The following PCDHGA10 variants were observed in gnomAD, a reference collection of about 807,000 sequenced individuals.
PCDHGA10 encodes protocadherin gamma-A10.
In PCDHGA10, 42 loss-of-function variants were observed where a neutral mutation model predicts 59.5. That is an observed-to-expected ratio of 0.71 (90% CI 0.55 to 0.91). The LOEUF (loss-of-function observed/expected upper bound fraction) is 0.91, where lower values mean the gene tolerates loss of function less well. PCDHGA10 is among the 40% of genes least tolerant of loss of function. The pLI is 0.00. For synonymous variants in PCDHGA10, 511 were observed against 517.2 expected, an observed-to-expected ratio of 0.99 and a Z score of 0.16; for missense variants, 1,111 against 1,198.2, an observed-to-expected ratio of 0.93 and a Z score of 1.07.
rs547854431 is a variant in PCDHGA10, at chr5:141,476,383, C to A, written c.2437-18424C>A. 1.2e-6 allele frequency: 2 copies of A among 1,614,102 alleles called. No homozygotes were observed. Among genetic ancestry groups the A allele is most frequent in the African/African-American group, 1.3e-5 (1 of 75,014 alleles). On this transcript the variant is annotated intron_variant, in intron 1 of 3. Transcript: ENST00000398610. The surrounding 1 kb of genome is among the most constrained non-coding windows in gnomAD (Gnocchi z 7.6). ...GGGAGACCGGAGAGATGTTTGTGAA[C>A]GACCGTCTGGATCGAGAGGAGCTGT...
rs1455759096 is a variant in PCDHGA10, at chr5:141,489,539, C to T, written c.2437-5268C>T. 6.2e-7 allele frequency: 1 copy of T among 1,613,980 alleles called. No individual in the cohort carries two copies. Among genetic ancestry groups the T allele is most frequent in the African/African-American group, 1.3e-5 (1 of 74,912 alleles). On this transcript the variant is annotated intron_variant, in intron 1 of 3. Coordinates refer to ENST00000398610, the MANE Select transcript of PCDHGA10 (RefSeq NM_018913.3). This position sits in a 1 kb window ranked among gnomAD's most constrained non-coding sequence, Gnocchi z 4.5. Reference sequence around the variant, plus strand: ...CGAGAAAGCCTATGTGGAGCCAGCACCAGCTGCCTGCTGCCAGTGCAGGTG... The same window carrying T: ...CGAGAAAGCCTATGTGGAGCCAGCATCAGCTGCCTGCTGCCAGTGCAGGTG...
intron 1 of PCDHGA10, among the ~76,000 whole-genome samples, chr5:141,480,911 G>A (rs2154578422): frequency 6.6e-6 from 1 of 152,218 alleles, no homozygotes; most frequent in East Asian, 1.9e-4. Flanking sequence ...TGGGCATGGT[G>A]GCGCATACCT....
intron 1 of PCDHGA10, among the ~76,000 whole-genome samples, chr5:141,462,269 T>C (rs2099036247): frequency 6.6e-6 from 1 of 152,230 alleles, no homozygotes; most frequent in Admixed American, 6.5e-5. Context: ...CTAAAGTGTA[T>C]TGTTTAGTCA....
Position 141,431,858 on chromosome 5 carries a change from G to A in PCDHGA10, c.2436+16247G>A, listed in dbSNP as rs1421209596. The A allele has an allele frequency of 1.1e-5, 17 of 1,614,198 alleles. No individual in the cohort carries two copies. Among genetic ancestry groups the A allele is most frequent in the Non-Finnish European group, 1.4e-5 (17 of 1,180,020 alleles). On this transcript the variant is annotated intron_variant, in intron 1 of 3. Coordinates refer to ENST00000398610, the MANE Select transcript of PCDHGA10 (RefSeq NM_018913.3). The surrounding 1 kb of genome is among the most constrained non-coding windows in gnomAD (Gnocchi z 4.8). ...AAACTCTCCCAGAGGGACATTAATTGCCCTTTTAAATGTAAATGACCAAGA... is the reference window on the plus strand; with the variant it reads ...AAACTCTCCCAGAGGGACATTAATTACCCTTTTAAATGTAAATGACCAAGA...
intron 1 of PCDHGA10, chr5:141,479,743 T>C (rs2154578017): frequency 6.6e-6 from 1 of 152,356 alleles, no homozygotes; most frequent in African/African-American, 2.4e-5. Flanking sequence ...ATATGCACAA[T>C]GTGAAAGGTA....
Position 141,487,548 on chromosome 5 carries a change from G to T in PCDHGA10, c.2437-7259G>T. The T allele has an allele frequency of 6.2e-7, 1 of 1,614,190 alleles. No homozygotes were observed. Among genetic ancestry groups the T allele is most frequent in the Non-Finnish European group, 8.5e-7 (1 of 1,180,038 alleles). ...AGCTTCATGATGGTGAAGTCACCCA[G>T]TGCACCTATGGCAGGGGAGCCTGTT... is the stretch of plus-strand genomic sequence containing the variant. On this transcript the variant is annotated intron_variant, in intron 1 of 3. Coordinates refer to ENST00000398610, the MANE Select transcript of PCDHGA10 (RefSeq NM_018913.3). The surrounding 1 kb of genome is among the most constrained non-coding windows in gnomAD (Gnocchi z 5.0).
chr5:141,467,063 T>C (rs1405374001), intron 1 of PCDHGA10, among the ~76,000 whole-genome samples: 2 of 151,716 alleles, frequency 1.3e-5, no homozygotes, highest in African/African-American at 2.4e-5. Flanking sequence ...TTCTTTTTTT[T>C]TTTTTTTTAG....
At chr5:141,475,895 C>A (rs2099379056) in intron 1 of PCDHGA10, 1 of 568,558 alleles carries the variant, frequency 1.8e-6, no homozygotes, top group African/African-American at 1.9e-5. Context: ...ACTCTGTGTG[C>A]CGCTGTCGGC....
In PCDHGA10 at chr5:141,476,656, T is replaced by A. The variant is rs190269177; in HGVS notation, c.2437-18151T>A. 6.2e-7 allele frequency: 1 copy of A among 1,614,210 alleles called. No individual in the cohort carries two copies. The highest frequency in any genetic ancestry group is 1.3e-5 in the African/African-American group (1 of 75,064). ...ATGAGCTGAGCCGAAATGAATACTTTGCGCTTCGCGTGCAGACGCGGGAGG... is the reference window on the plus strand; with the variant it reads ...ATGAGCTGAGCCGAAATGAATACTTAGCGCTTCGCGTGCAGACGCGGGAGG... On this transcript the variant is annotated intron_variant, in intron 1 of 3. Coordinates refer to ENST00000398610, the MANE Select transcript of PCDHGA10 (RefSeq NM_018913.3). This position sits in a 1 kb window ranked among gnomAD's most constrained non-coding sequence, Gnocchi z 7.6.
intron 1 of PCDHGA10, among the ~76,000 whole-genome samples, chr5:141,451,571 A>G (rs2098719323): frequency 6.6e-6 from 1 of 152,188 alleles, no homozygotes; most frequent in Non-Finnish European, 1.5e-5. Context: ...CAATCTTTTT[A>G]TAAACCTAAT....
chr5:141,476,554 G>A lies in PCDHGA10; in HGVS notation c.2437-18253G>A. On this transcript the variant is annotated intron_variant, in intron 1 of 3. Transcript: ENST00000398610. This position sits in a 1 kb window ranked among gnomAD's most constrained non-coding sequence, Gnocchi z 7.6. The stretch of plus-strand genomic sequence containing the variant: ...AGGAAATGAAATTGGAGATTAGCGA[G>A]GCCGTGGCTCCGGGGACGCGCTTTC... 1 of 1,614,232 alleles carries A rather than the reference G, an allele frequency of 6.2e-7. No individual in the cohort carries two copies. Among genetic ancestry groups the A allele is most frequent in the Non-Finnish European group, 8.5e-7 (1 of 1,180,036 alleles).
chr5:141,448,515 T>C (rs1158968509), intron 1 of PCDHGA10, among the ~76,000 whole-genome samples: 1 of 152,212 alleles, frequency 6.6e-6, no homozygotes, highest in Non-Finnish European at 1.5e-5. Flanking sequence ...TTTATAACTT[T>C]ATTAAGCATC....
At chr5:141,416,998 CAAAT>C (rs2096073182) in intron 1 of PCDHGA10, 1 of 150,816 alleles carries the variant, frequency 6.6e-6, no homozygotes, top group South Asian at 2.1e-4. Flanking sequence ...GCATTCATCT[CAAAT>C]AATTCTATTA....
intron 1 of PCDHGA10, among the ~76,000 whole-genome samples, chr5:141,445,553 A>T (rs948468877): frequency 1.3e-5 from 2 of 152,252 alleles, no homozygotes; most frequent in Non-Finnish European, 1.5e-5. Context: ...ATACAAAAGC[A>T]CTAAGAGAAA....
chr5:141,476,446 G>A lies in PCDHGA10; in HGVS notation c.2437-18361G>A. On this transcript the variant is annotated intron_variant, in intron 1 of 3. Transcript: ENST00000398610. This position sits in a 1 kb window ranked among gnomAD's most constrained non-coding sequence, Gnocchi z 7.6. Reference sequence around the variant, plus strand: ...CCTCTTGCACTGTAACTCTGGAGTTGGTAGTGGAGAACCCGCTGGAGCTGT... The same window carrying A: ...CCTCTTGCACTGTAACTCTGGAGTTAGTAGTGGAGAACCCGCTGGAGCTGT... 6.2e-7 allele frequency: 1 copy of A among 1,614,144 alleles called. No homozygotes were observed. Among genetic ancestry groups the A allele is most frequent in the South Asian group, 1.1e-5 (1 of 91,072 alleles).
intron 1 of PCDHGA10, among the ~76,000 whole-genome samples, chr5:141,438,702 C>A (rs1217378337): frequency 5.7e-5 from 8 of 140,876 alleles, no homozygotes; most frequent in Non-Finnish European, 4.6e-5. Flanking sequence ...GCTCTGTCAC[C>A]CAGGCTGGAG....
rs115565444 is a variant in PCDHGA10 at position 141,487,520 on chromosome 5, G to C, written c.2437-7287G>C. 1 of 1,614,166 alleles carries C rather than the reference G, an allele frequency of 6.2e-7. No individual in the cohort carries two copies. Among genetic ancestry groups the C allele is most frequent in the Non-Finnish European group, 8.5e-7 (1 of 1,180,042 alleles). ...CTTGGCTTCTGCACCCACTCGGAGT[G>C]ATAGCTTCATGATGGTGAAGTCACC... On this transcript the variant is annotated intron_variant, in intron 1 of 3. Coordinates refer to ENST00000398610, the MANE Select transcript of PCDHGA10 (RefSeq NM_018913.3). The surrounding 1 kb of genome is among the most constrained non-coding windows in gnomAD (Gnocchi z 5.0).
At chr5:141,502,488 T>A (rs1273845698) in intron 2 of PCDHGA10, among the ~76,000 whole-genome samples, 1 of 152,236 alleles carries the variant, frequency 6.6e-6, no homozygotes, top group Non-Finnish European at 1.5e-5. Context: ...ACACTGGGAC[T>A]CATCTAACGT....
Position 141,413,980 on chromosome 5 carries a change from A to C in PCDHGA10, c.805A>C (p.Thr269Pro). The C allele has an allele frequency of 7.4e-6, 12 of 1,613,530 alleles. No individual in the cohort carries two copies. The highest frequency in any genetic ancestry group is 1.0e-5 in the Non-Finnish European group (12 of 1,179,840). ...LPVGTQLLTV[T>P]ATDRDEGANG... ...TGTGGGCACTCAGCTGCTGACAGTC[A>C]CAGCCACCGACAGGGACGAAGGTGC... is the stretch of plus-strand genomic sequence containing the variant. Residue 269 changes from threonine to proline, a missense_variant, in exon 1 of 4, where the codon ACA becomes CCA. Coordinates refer to ENST00000398610, the MANE Select transcript of PCDHGA10 (RefSeq NM_018913.3).
Sources: gnomAD v4.1 joint callset for allele counts (sites outside exome capture counted in the v4.1 genomes callset) on GRCh38, gnomAD v4.1.1 for gene constraint, Gnocchi (gnomAD v3.1) non-coding constraint, MANE v1.5 for transcripts, NCBI Gene and HGNC (gene_info 2026-07-23, HGNC 2026-07-21) for gene names.